The following ADGRL3 variants were observed in gnomAD, a reference collection of about 807,000 sequenced individuals.
ADGRL3 encodes adhesion G protein-coupled receptor L3.
ADGRL3 carries 62 observed loss-of-function variants against 153.5 expected under a neutral mutation model. The ratio of observed to expected loss-of-function variants is 0.40; its 90% CI spans 0.33 to 0.50. The LOEUF (loss-of-function observed/expected upper bound fraction) is 0.50. ADGRL3 is among the 20% of genes least tolerant of loss of function. The probability of loss-of-function intolerance (pLI) is 0.47; values close to 1 mark genes in which losing one functional copy is unlikely to be tolerated. For missense variants in ADGRL3, 1,641 were observed against 1,859.4 expected (o/e 0.88, Z 2.16); for synonymous variants, 710 against 672.5 (o/e 1.06, Z -0.86).
In ADGRL3 at chr4:61,855,761, A is replaced by C. The variant is rs531730533; in HGVS notation, c.1481-36895A>C. 1.2e-3 allele frequency among the ~76,000 whole-genome samples: 188 copies of C among 152,234 alleles called. 5 individuals carry two copies. In the South Asian group the frequency reaches 0.03, roughly 24 times the overall value. On this transcript the variant is annotated intron_variant, in intron 9 of 26. Transcript: ENST00000683033. Reference sequence around the variant, plus strand: ...TAGTCACCTAAATAGTGACAGATGTAATTTCTTTCTTTTTTTTTCAGCCAC... The same window carrying C: ...TAGTCACCTAAATAGTGACAGATGTCATTTCTTTCTTTTTTTTTCAGCCAC...
chr4:61,812,404 G>A (rs10017044), intron 8 of ADGRL3, among the ~76,000 whole-genome samples: 84,190 of 151,970 alleles, frequency 0.55, 24,678 homozygotes, highest in African/African-American at 0.74. Context: ...AGGAATCAGC[G>A]GAGCTTATTA....
intron 15 of ADGRL3, among the ~76,000 whole-genome samples, chr4:61,939,491 A>G (rs1313111675): frequency 2.8e-5 from 4 of 143,252 alleles, no homozygotes; most frequent in African/African-American, 1.0e-4. Context: ...TTTTTTTGAG[A>G]CGGAGTCTCA....
chr4:61,309,898 T>C (rs1476182283), intron 1 of ADGRL3, among the ~76,000 whole-genome samples: 12 of 152,052 alleles, frequency 7.9e-5, no homozygotes. Context: ...CTAATTTATC[T>C]ATTTTTCTCC....
At chr4:61,587,134 G>A in intron 4 of ADGRL3, 93 bp from the exon 5 acceptor site, 1 of 720,754 alleles carries the variant, frequency 1.4e-6, no homozygotes, top group Non-Finnish European at 2.3e-6. Context: ...TCTTCGTATT[G>A]ATTTACCCCA....
chr4:61,596,990 A>G (rs968906571), intron 5 of ADGRL3, among the ~76,000 whole-genome samples: 1 of 151,614 alleles, frequency 6.6e-6, no homozygotes, highest in Non-Finnish European at 1.5e-5. Flanking sequence ...AATCATATCT[A>G]TTTGTGATTA....
intron 11 of ADGRL3, among the ~76,000 whole-genome samples, chr4:61,900,842 T>G (rs112948302): frequency 0.014 from 2,194 of 152,282 alleles, 52 homozygotes; most frequent in African/African-American, 0.046. Flanking sequence ...TAAAAAAGTT[T>G]CCAGTTTTTA....
intron 12 of ADGRL3, among the ~76,000 whole-genome samples, chr4:61,909,949 G>T (rs1389309466): frequency 6.6e-6 from 1 of 151,988 alleles, no homozygotes; most frequent in African/African-American, 2.4e-5. Flanking sequence ...CTAAAGAAAT[G>T]ATAAATGATA....
chr4:61,312,654 A>G (rs1204723046), intron 1 of ADGRL3, among the ~76,000 whole-genome samples: 1 of 152,198 alleles, frequency 6.6e-6, no homozygotes, highest in Admixed American at 6.5e-5. Context: ...ATATGACATT[A>G]TGGAATTGCA....
chr4:61,537,642 A>G (rs1323030330), intron 4 of ADGRL3, among the ~76,000 whole-genome samples: 1 of 152,002 alleles, frequency 6.6e-6, no homozygotes, highest in African/African-American at 2.4e-5. Context: ...TTCTTCTTCT[A>G]CTTGGTCTAA....
At position 61,480,465 on chromosome 4, in the gene ADGRL3, A is replaced by T. The variant is rs142168673; in HGVS notation, c.-173-16656A>T. ...ATATGTAAGGAACTCTTAAAATTCCATAGCAAAAAAAAATTAAATAACAGT... is the reference window on the plus strand; with the variant it reads ...ATATGTAAGGAACTCTTAAAATTCCTTAGCAAAAAAAAATTAAATAACAGT... On this transcript the variant is annotated intron_variant, in intron 2 of 26. Coordinates refer to ENST00000683033, the MANE Select transcript of ADGRL3 (RefSeq NM_001387552.1). Among the ~76,000 whole-genome samples, 567 of 152,228 alleles carry T rather than the reference A, an allele frequency of 3.7e-3. 3 individuals carry two copies. Among genetic ancestry groups the T allele is most frequent in the African/African-American group, 0.013 (546 of 41,552 alleles).
At chr4:61,403,790 A>G (rs1368467922) in intron 2 of ADGRL3, among the ~76,000 whole-genome samples, 1 of 152,054 alleles carries the variant, frequency 6.6e-6, no homozygotes, top group Non-Finnish European at 1.5e-5. Context: ...AACCCTAGGT[A>G]GGTGGCGTGA....
At chr4:61,913,285 C>T (rs1474464987) in intron 13 of ADGRL3, among the ~76,000 whole-genome samples, 1 of 152,134 alleles carries the variant, frequency 6.6e-6, no homozygotes, top group Non-Finnish European at 1.5e-5. Flanking sequence ...TTTCGGCTGA[C>T]ATGTTCTAAT....
At chr4:61,965,485 C>T (rs2099002971) in intron 17 of ADGRL3, among the ~76,000 whole-genome samples, 1 of 152,224 alleles carries the variant, frequency 6.6e-6, no homozygotes, top group African/African-American at 2.4e-5. Flanking sequence ...AACGGTGGCT[C>T]ACGCCTGTAA....
chr4:61,352,535 A>G (rs2096071168), intron 1 of ADGRL3, among the ~76,000 whole-genome samples: 1 of 151,720 alleles, frequency 6.6e-6, no homozygotes, highest in African/African-American at 2.4e-5. Context: ...CAGGCACGCA[A>G]CACCACCCCT....
At chr4:61,442,227 T>C (rs2097535273) in intron 2 of ADGRL3, among the ~76,000 whole-genome samples, 1 of 152,314 alleles carries the variant, frequency 6.6e-6, no homozygotes, top group Middle Eastern at 3.4e-3. Context: ...ATATCTAAGT[T>C]GAACCCTGAG....
chr4:61,553,195 G>A (rs7693587), intron 4 of ADGRL3, among the ~76,000 whole-genome samples: 3,280 of 152,232 alleles, frequency 0.022, 103 homozygotes, highest in African/African-American at 0.073. Flanking sequence ...ATATAAATGT[G>A]CTGTGAAATA....
At chr4:61,821,481 G>C (rs1437581175) in intron 9 of ADGRL3, among the ~76,000 whole-genome samples, 1 of 151,876 alleles carries the variant, frequency 6.6e-6, no homozygotes, top group Non-Finnish European at 1.5e-5. Context: ...TCCTTCCTCA[G>C]CCTCCCGAGT....
At position 61,541,115 on chromosome 4, in the gene ADGRL3, G is replaced by C. The variant is rs534973158; in HGVS notation, c.259+23597G>C. Reference sequence around the variant, plus strand: ...GTTCACAGAAACTGCCAGCAGCCTGGAGAGTTATAGGAAGTGAAAGATCCT... The same window carrying C: ...GTTCACAGAAACTGCCAGCAGCCTGCAGAGTTATAGGAAGTGAAAGATCCT... On this transcript the variant is annotated intron_variant, in intron 4 of 26. Transcript: ENST00000683033. 1.5e-3 allele frequency among the ~76,000 whole-genome samples: 233 copies of C among 152,258 alleles called. 1 individual carries two copies. The highest frequency in any genetic ancestry group is 5.3e-3 in the African/African-American group (221 of 41,556).
intron 4 of ADGRL3, among the ~76,000 whole-genome samples, chr4:61,538,861 G>T (rs548114938): frequency 6.6e-6 from 1 of 152,300 alleles, no homozygotes; most frequent in South Asian, 2.1e-4. Flanking sequence ...GGCTGGGGAA[G>T]ATTGCGTTGG....
Sources: allele counts gnomAD v4.1 joint callset (sites outside exome capture counted in the v4.1 genomes callset), GRCh38; gene constraint gnomAD v4.1.1; transcripts MANE v1.5; gene names NCBI Gene and HGNC (gene_info 2026-07-23, HGNC 2026-07-21).